GRHL3: variants seen among roughly 807,000 people sequenced by gnomAD.
The protein encoded by GRHL3 is grainyhead like transcription factor 3, also known as grainyhead-like protein 3 homolog.
GRHL3 carries 20 observed loss-of-function variants against 70.3 expected under a neutral mutation model. That is an observed-to-expected ratio of 0.28 (90% CI 0.20 to 0.41). The LOEUF (loss-of-function observed/expected upper bound fraction) is 0.41. GRHL3 is among the 10% of genes least tolerant of loss of function. The pLI is 1.00. For missense variants in GRHL3, 637 were observed against 762.3 expected (o/e 0.84, Z 1.94); for synonymous variants, 299 against 299.9 (o/e 1.00, Z 0.03).
chr1:24,331,425 GT>G lies in GRHL3; in HGVS notation c.20del (p.Phe7SerfsTer7). ...ATTTGACTCTCCTTACTTGCATTCAGTTTCAGGTCTGTGCGGCTGCTAAAGA... is the reference window on the plus strand; with the variant it reads ...ATTTGACTCTCCTTACTTGCATTCAGTTCAGGTCTGTGCGGCTGCTAAAGA... MSNEL[D>X]FRSVRLLKND... On this transcript the variant is annotated frameshift_variant and splice_region_variant, in exon 2 of 16. Coordinates refer to ENST00000361548, the MANE Select transcript of GRHL3 (RefSeq NM_198173.3). LOFTEE classifies it high-confidence loss of function. The G allele has an allele frequency of 6.2e-7, 1 of 1,608,846 alleles. No homozygotes were observed. Among genetic ancestry groups the G allele is most frequent in the Non-Finnish European group, 8.5e-7 (1 of 1,176,732 alleles).
At chr1:24,332,830 A>G (rs1016642440) in intron 2 of GRHL3, among the ~76,000 whole-genome samples, 13 of 152,228 alleles carry the variant, frequency 8.5e-5, no homozygotes, top group African/African-American at 3.1e-4. Flanking sequence ...TCCAGATAGG[A>G]GAAAGCCCAA....
chr1:24,341,406 C>A (rs1007538185), intron 8 of GRHL3, among the ~76,000 whole-genome samples: 2 of 152,240 alleles, frequency 1.3e-5, no homozygotes, highest in African/African-American at 4.8e-5. Flanking sequence ...TAGTGAGCGG[C>A]AGAGCCCAGC....
At chr1:24,335,014 AACACACAC>A (rs35646472) in intron 3 of GRHL3, among the ~76,000 whole-genome samples, 12,639 of 136,936 alleles carry the variant, frequency 0.092, 580 homozygotes, top group African/African-American at 0.13. Flanking sequence ...TCAGCTTGAA[AACACACAC>A]ACACACACAC....
intron 15 of GRHL3, among the ~76,000 whole-genome samples, chr1:24,361,380 C>T (rs1557428771): frequency 6.6e-6 from 1 of 151,944 alleles, no homozygotes. Flanking sequence ...AATGGCAGGC[C>T]GTGTATATCT....
rs1639180139 is a variant in GRHL3, at chr1:24,321,404, C to G, written c.17+1836C>G. Among the ~76,000 whole-genome samples, 1 of 152,214 alleles carries G rather than the reference C, an allele frequency of 6.6e-6. No individual in the cohort carries two copies. Among genetic ancestry groups the G allele is most frequent in the Non-Finnish European group, 1.5e-5 (1 of 68,036 alleles). ...TGCCCCTACTGGTAAGGGGAGGGCA[C>G]CCGGCGCTTGGCTTGCAAGTTCTGA... On this transcript the variant is annotated intron_variant, in intron 1 of 15. Coordinates refer to ENST00000361548, the MANE Select transcript of GRHL3 (RefSeq NM_198173.3). The surrounding 1 kb of genome is among the most constrained non-coding windows in gnomAD (Gnocchi z 4.0).
Position 24,339,667 on chromosome 1 carries a change from G to A in GRHL3, c.953-1G>A. ...CTCCTTCTGGTCTCCTGTGGTTTCA[G>A]CTGACTGCAAAGAAAACTTCAACAC... On this transcript the variant is annotated splice_acceptor_variant, in intron 7 of 15. Coordinates refer to ENST00000361548, the MANE Select transcript of GRHL3 (RefSeq NM_198173.3). LOFTEE classifies it high-confidence loss of function. 1 of 1,608,384 alleles carries A rather than the reference G, an allele frequency of 6.2e-7. No homozygotes were observed. The highest frequency in any genetic ancestry group is 8.5e-7 in the Non-Finnish European group (1 of 1,175,710).
chr1:24,334,733 C>A lies in GRHL3; in HGVS notation c.266+27C>A, dbSNP rs368307765. On this transcript the variant is annotated intron_variant, in intron 3 of 15. Transcript: ENST00000361548. The surrounding 1 kb of genome is among the most constrained non-coding windows in gnomAD (Gnocchi z 4.3). Reference sequence around the variant, plus strand: ...TGAGGCTTGCCAACACCCTCTGCCTCTTTGCCCTTCCCCACCTCCACCTGG... The same window carrying A: ...TGAGGCTTGCCAACACCCTCTGCCTATTTGCCCTTCCCCACCTCCACCTGG... The A allele has an allele frequency of 2.2e-5, 35 of 1,593,058 alleles. No individual in the cohort carries two copies. The African/African-American group carries it at 4.0e-4, about 18-fold the overall frequency.
intron 14 of GRHL3, 97 bp from the exon 15 acceptor site, chr1:24,349,961 C>T: frequency 1.2e-6 from 1 of 864,732 alleles, no homozygotes; most frequent in African/African-American, 1.7e-5. Context: ...ATATGTTTTA[C>T]TTTTGTAATC....
exon 16 of GRHL3, chr1:24,364,305 G>T: frequency 6.5e-7 from 1 of 1,549,810 alleles, no homozygotes; most frequent in Non-Finnish European, 8.7e-7. Context: ...GGAGGCAGAG[G>T]GACCTGGATT....
At chr1:24,352,777 C>T (rs749572327) in intron 15 of GRHL3, among the ~76,000 whole-genome samples, 5 of 152,154 alleles carry the variant, frequency 3.3e-5, no homozygotes, top group East Asian at 3.9e-4. Flanking sequence ...TCCGACCTCC[C>T]GTGCCCAAAG....
At chr1:24,345,069 C>T in intron 12 of GRHL3, 138 bp downstream of exon 12, 1 of 621,210 alleles carries the variant, frequency 1.6e-6, no homozygotes. Flanking sequence ...CCCTCCACAC[C>T]TGTGCCCCCT....
At chr1:24,360,640 T>A (rs1317031588) in intron 15 of GRHL3, among the ~76,000 whole-genome samples, 2 of 152,220 alleles carry the variant, frequency 1.3e-5, no homozygotes, top group Non-Finnish European at 2.9e-5. Context: ...TATGAATCCC[T>A]GGCCTGGACC....
intron 11 of GRHL3, among the ~76,000 whole-genome samples, chr1:24,344,491 A>G (rs1380226102): frequency 9.7e-6 from 1 of 103,090 alleles, no homozygotes; most frequent in Middle Eastern, 4.2e-3. Flanking sequence ...CCCAGAAAAA[A>G]AAAAAAAAAA....
intron 1 of GRHL3, among the ~76,000 whole-genome samples, chr1:24,323,774 T>C (rs1233938015): frequency 2.0e-5 from 3 of 152,160 alleles, no homozygotes; most frequent in African/African-American, 7.2e-5. Context: ...GCTGGCTGCC[T>C]CCCCCTCTCT....
chr1:24,352,997 C>A (rs369985166), intron 15 of GRHL3, among the ~76,000 whole-genome samples: 1 of 152,206 alleles, frequency 6.6e-6, no homozygotes, highest in Non-Finnish European at 1.5e-5. Context: ...GCCGCTCCTG[C>A]GCCACTTCAA....
intron 15 of GRHL3, among the ~76,000 whole-genome samples, chr1:24,353,146 C>T (rs1371733011): frequency 6.6e-6 from 1 of 152,192 alleles, no homozygotes; most frequent in Non-Finnish European, 1.5e-5. Flanking sequence ...CATCTATGAA[C>T]TGTGTGACCT....
At chr1:24,339,601 C>A in intron 7 of GRHL3, 67 bp from the exon 8 acceptor site, 1 of 1,118,148 alleles carries the variant, frequency 8.9e-7, no homozygotes, top group Non-Finnish European at 1.3e-6. Flanking sequence ...GTTTTTAATG[C>A]CTCCCTCCTC....
intron 12 of GRHL3, among the ~76,000 whole-genome samples, chr1:24,345,328 T>C (rs1271461375): frequency 6.4e-5 from 8 of 125,944 alleles, no homozygotes; most frequent in Non-Finnish European, 1.2e-4. Flanking sequence ...ACCTGTGCCC[T>C]CTGTACCATG....
At chr1:24,362,868 G>C (rs1053611448) in intron 15 of GRHL3, among the ~76,000 whole-genome samples, 1 of 152,196 alleles carries the variant, frequency 6.6e-6, no homozygotes, top group African/African-American at 2.4e-5. Flanking sequence ...GGGACATGCT[G>C]CCTCCCTGTT....
Sources: gnomAD v4.1 joint callset for allele counts (sites outside exome capture counted in the v4.1 genomes callset) on GRCh38, gnomAD v4.1.1 for gene constraint, Gnocchi (gnomAD v3.1) non-coding constraint, MANE v1.5 for transcripts, NCBI Gene and HGNC (gene_info 2026-07-23, HGNC 2026-07-21) for gene names.